The following GRIA4 variants were observed in gnomAD, a reference collection of about 807,000 sequenced individuals.
GRIA4 encodes the protein glutamate receptor 4.
A neutral mutation model predicts 104.0 loss-of-function variants in GRIA4; 34 were observed. That is an observed-to-expected ratio of 0.33 (90% CI 0.25 to 0.44). The LOEUF (loss-of-function observed/expected upper bound fraction) is 0.44. GRIA4 is among the 20% of genes least tolerant of loss of function. GRIA4 has a pLI of 1.00. For missense variants in GRIA4, 750 were observed against 1,096.5 expected, an observed-to-expected ratio of 0.68 and a Z score of 4.46; for synonymous variants, 386 against 381.9, an observed-to-expected ratio of 1.01 and a Z score of -0.13.
intron 4 of GRIA4, among the ~76,000 whole-genome samples, chr11:105,823,939 T>G (rs1247090355): frequency 1.3e-5 from 2 of 152,068 alleles, no homozygotes; most frequent in Non-Finnish European, 2.9e-5. Flanking sequence ...ACTGATGTCC[T>G]TATACAAAGG....
At chr11:105,744,597 A>G (rs1422024638) in intron 3 of GRIA4, among the ~76,000 whole-genome samples, 2 of 152,122 alleles carry the variant, frequency 1.3e-5, no homozygotes, top group Non-Finnish European at 2.9e-5. Context: ...CAATTGGGGA[A>G]AAAATGTAGC....
intron 13 of GRIA4, among the ~76,000 whole-genome samples, chr11:105,932,248 C>A (rs1052397577): frequency 6.6e-6 from 1 of 152,082 alleles, no homozygotes; most frequent in African/African-American, 2.4e-5. Context: ...GAGCAATTCT[C>A]ATGCCTCAGC....
intron 4 of GRIA4, among the ~76,000 whole-genome samples, chr11:105,844,226 A>G (rs1247650787): frequency 6.6e-6 from 1 of 152,236 alleles, no homozygotes; most frequent in African/African-American, 2.4e-5. Context: ...TCCAATTTCT[A>G]TAAAGTGACC....
At chr11:105,824,914 C>T (rs767816965) in intron 4 of GRIA4, 4 of 152,038 alleles carry the variant, frequency 2.6e-5, no homozygotes, top group Non-Finnish European at 5.9e-5. Context: ...GCAACGGTAG[C>T]CATCCAGGAG....
chr11:105,729,762 T>C (rs1045578255), intron 3 of GRIA4, among the ~76,000 whole-genome samples: 6 of 152,148 alleles, frequency 3.9e-5, no homozygotes, highest in South Asian at 2.1e-4. Flanking sequence ...AAAAACCACA[T>C]GATTATCTCA....
chr11:105,957,017 T>C (rs1948607294), intron 14 of GRIA4, among the ~76,000 whole-genome samples: 1 of 152,236 alleles, frequency 6.6e-6, no homozygotes, highest in African/African-American at 2.4e-5. Flanking sequence ...TAACCCTTTG[T>C]CAGATGGGTA....
chr11:105,895,705 G>T (rs1946628116), intron 6 of GRIA4, among the ~76,000 whole-genome samples: 1 of 152,092 alleles, frequency 6.6e-6, no homozygotes, highest in Admixed American at 6.5e-5. Flanking sequence ...CTCTAGGCAA[G>T]AAGGGATAGT....
intron 3 of GRIA4, among the ~76,000 whole-genome samples, chr11:105,645,134 G>A (rs530624245): frequency 2.6e-5 from 4 of 152,296 alleles, no homozygotes; most frequent in African/African-American, 7.2e-5. Flanking sequence ...GTGGTGAGAA[G>A]GCAAAGCTGA....
chr11:105,727,034 G>A (rs956100052), intron 3 of GRIA4, among the ~76,000 whole-genome samples: 2 of 152,050 alleles, frequency 1.3e-5, no homozygotes, highest in African/African-American at 4.8e-5. Context: ...CAGAGAATGA[G>A]TTTGACAAAT....
intron 4 of GRIA4, among the ~76,000 whole-genome samples, chr11:105,828,870 T>G (rs1183835147): frequency 6.6e-6 from 1 of 151,862 alleles, no homozygotes; most frequent in Non-Finnish European, 1.5e-5. Context: ...TTGACATGAG[T>G]TTCCTATGTT....
intron 14 of GRIA4, among the ~76,000 whole-genome samples, chr11:105,963,240 C>T (rs1002057404): frequency 1.2e-4 from 19 of 152,104 alleles, no homozygotes; most frequent in South Asian, 2.1e-4. Flanking sequence ...ATATATATGT[C>T]ATTGATGATT....
intron 8 of GRIA4, among the ~76,000 whole-genome samples, chr11:105,904,801 C>A (rs996184341): frequency 6.6e-6 from 1 of 151,996 alleles, no homozygotes; most frequent in Non-Finnish European, 1.5e-5. Flanking sequence ...TTAATATTAG[C>A]AAGGTGAGAA....
intron 4 of GRIA4, among the ~76,000 whole-genome samples, chr11:105,834,949 A>G (rs1944121273): frequency 6.6e-6 from 1 of 152,016 alleles, no homozygotes; most frequent in South Asian, 2.1e-4. Context: ...TTGATTCAAG[A>G]GTTTCAATCA....
intron 14 of GRIA4, among the ~76,000 whole-genome samples, chr11:105,948,804 G>A (rs994287907): frequency 6.6e-6 from 1 of 151,614 alleles, no homozygotes; most frequent in Non-Finnish European, 1.5e-5. Context: ...TACTGGCCAG[G>A]ATGGTCTCGA....
At chr11:105,803,374 T>C (rs906389047) in intron 4 of GRIA4, among the ~76,000 whole-genome samples, 18 of 151,986 alleles carry the variant, frequency 1.2e-4, no homozygotes, top group Non-Finnish European at 2.4e-4. Flanking sequence ...TGGCTAATGA[T>C]ATATTGATGT....
intron 3 of GRIA4, among the ~76,000 whole-genome samples, chr11:105,708,577 A>G (rs1325719595): frequency 6.6e-6 from 1 of 152,064 alleles, no homozygotes; most frequent in Non-Finnish European, 1.5e-5. Flanking sequence ...GGAAAATATT[A>G]TTTGATATTT....
At chr11:105,931,859 CATTT>C (rs1947885595) in intron 13 of GRIA4, among the ~76,000 whole-genome samples, 1 of 152,082 alleles carries the variant, frequency 6.6e-6, no homozygotes, top group Non-Finnish European at 1.5e-5. Flanking sequence ...CACTTTTATT[CATTT>C]ATTTCTTTGT....
intron 4 of GRIA4, among the ~76,000 whole-genome samples, chr11:105,796,420 C>T (rs980344735): frequency 4.6e-5 from 7 of 152,136 alleles, no homozygotes; most frequent in Non-Finnish European, 1.0e-4. Context: ...GAGCTGGCCT[C>T]TCAGAGCATC....
At chr11:105,716,179 A>G (rs1163422223) in intron 3 of GRIA4, among the ~76,000 whole-genome samples, 3 of 152,176 alleles carry the variant, frequency 2.0e-5, no homozygotes, top group Non-Finnish European at 4.4e-5. Flanking sequence ...CTATAAACAC[A>G]TACAGAGGTT....
Sources: allele counts gnomAD v4.1 joint callset (sites outside exome capture counted in the v4.1 genomes callset), GRCh38; gene constraint gnomAD v4.1.1; transcripts MANE v1.5; gene names NCBI Gene and HGNC (gene_info 2026-07-23, HGNC 2026-07-21).